Variants in FSTL5 observed in about 807,000 individuals in gnomAD.
FSTL5 encodes follistatin like 5.
A neutral mutation model predicts 89.1 loss-of-function variants in FSTL5; 62 were observed. The observed-to-expected ratio is 0.70, with a 90% CI of 0.57 to 0.86. The LOEUF (loss-of-function observed/expected upper bound fraction) is 0.86, where lower values mean the gene tolerates loss of function less well. Among genes scored for constraint, FSTL5 ranks in the 40% least tolerant of loss-of-function variants. The pLI, the probability that FSTL5 is intolerant of heterozygous loss-of-function variation, is 0.00. For missense variants in FSTL5, 1,057 were observed against 1,001.6 expected (o/e 1.06, Z -0.75); for synonymous variants, 383 against 346.2 (o/e 1.11, Z -1.18).
chr4:161,780,105 T>A (rs896116730), intron 4 of FSTL5, among the ~76,000 whole-genome samples: 1 of 149,238 alleles, frequency 6.7e-6, no homozygotes, highest in African/African-American at 2.4e-5. Context: ...AAAATGCTAG[T>A]GACTAAATGG....
chr4:161,408,153 A>G (rs2110927013), intron 15 of FSTL5, among the ~76,000 whole-genome samples: 1 of 152,276 alleles, frequency 6.6e-6, no homozygotes, highest in Middle Eastern at 3.4e-3. Context: ...GCCCATGAAC[A>G]GACCTGGTGA....
rs1171950770 is a variant in FSTL5 at position 161,872,141 on chromosome 4, G to GTTT, written c.409+48260_409+48262dup. Among the ~76,000 whole-genome samples the GTTT allele has an allele frequency of 4.0e-4, 32 of 79,550 alleles. 1 individual carries two copies. The highest frequency in any genetic ancestry group is 5.1e-4 in the Non-Finnish European group (21 of 41,034). 52.2% of individuals were successfully genotyped at this position (79,550 alleles called of 152,430 possible). A position where few individuals can be genotyped will look rare whatever the true frequency, so the allele number is the denominator to read the frequency against. On this transcript the variant is annotated intron_variant, in intron 4 of 15. Transcript: ENST00000306100. ...GCTTTGTAGTTTGTTTTTTTTTTTG[G>GTTT]TTTTTTTTTTTTTTTTTGTAGAGAC...
chr4:161,763,187 C>A (rs1326870733), intron 5 of FSTL5, among the ~76,000 whole-genome samples: 13 of 152,028 alleles, frequency 8.6e-5, no homozygotes, highest in Admixed American at 6.6e-4. Context: ...AGGCATTGTC[C>A]AAAACTCTGA....
intron 6 of FSTL5, among the ~76,000 whole-genome samples, chr4:161,751,966 C>T (rs1740407752): frequency 6.6e-6 from 1 of 152,032 alleles, no homozygotes; most frequent in South Asian, 2.1e-4. Context: ...TTATATAACA[C>T]AATGATTCCC....
intron 3 of FSTL5, among the ~76,000 whole-genome samples, chr4:161,928,363 C>T (rs1268486663): frequency 6.6e-6 from 1 of 151,764 alleles, no homozygotes; most frequent in Non-Finnish European, 1.5e-5. Context: ...AAGTGAGTTG[C>T]TATAAATATT....
chr4:161,649,939 T>A (rs1261402983), intron 7 of FSTL5, among the ~76,000 whole-genome samples: 1 of 152,140 alleles, frequency 6.6e-6, no homozygotes, highest in East Asian at 1.9e-4. Flanking sequence ...AACCCTGAGA[T>A]TACCTTGTGG....
In FSTL5 at chr4:161,645,771, G is replaced by A. The variant is rs558456389; in HGVS notation, c.894+10557C>T. Among the ~76,000 whole-genome samples, 181 of 152,110 alleles carry A rather than the reference G, an allele frequency of 1.2e-3. 2 individuals carry two copies. Among genetic ancestry groups the A allele is most frequent in the Non-Finnish European group, 3.4e-4 (23 of 67,956 alleles). ...GCTCCCTGCTTTATTTGGCTTAGAA[G>A]CTTTTGGATCATAAATATTCTCTGA... On this transcript the variant is annotated intron_variant, in intron 7 of 15. Coordinates refer to ENST00000306100, the MANE Select transcript of FSTL5 (RefSeq NM_020116.5).
At chr4:161,415,266 CT>C (rs1560883677) in intron 15 of FSTL5, among the ~76,000 whole-genome samples, 1 of 151,894 alleles carries the variant, frequency 6.6e-6, no homozygotes, top group African/African-American at 2.4e-5. Context: ...TTTTGGTTTT[CT>C]TTTTTTGAGC....
intron 2 of FSTL5, among the ~76,000 whole-genome samples, chr4:162,068,873 A>G (rs189033231): frequency 6.6e-6 from 1 of 152,124 alleles, no homozygotes; most frequent in African/African-American, 2.4e-5. Context: ...CCCATTAAAC[A>G]GTGGGCAAAA....
chr4:161,497,617 T>A (rs1252065411), intron 12 of FSTL5, among the ~76,000 whole-genome samples: 2 of 145,372 alleles, frequency 1.4e-5, no homozygotes, highest in Non-Finnish European at 3.0e-5. Context: ...TATAAACTTT[T>A]TAATATAGTA....
At chr4:161,420,658 G>T (rs868636058) in intron 15 of FSTL5, among the ~76,000 whole-genome samples, 20 of 151,282 alleles carry the variant, frequency 1.3e-4, no homozygotes, top group Admixed American at 2.0e-4. Context: ...TGCTGTATAT[G>T]CAATATTATT....
chr4:162,104,428 C>T (rs1387453178), intron 2 of FSTL5, among the ~76,000 whole-genome samples: 1 of 152,200 alleles, frequency 6.6e-6, no homozygotes, highest in Non-Finnish European at 1.5e-5. Flanking sequence ...TTGGAAGCGG[C>T]CCGCCACCAT....
Position 161,960,981 on chromosome 4 carries a change from T to C in FSTL5, c.161-40329A>G, listed in dbSNP as rs184288591. On this transcript the variant is annotated intron_variant, in intron 3 of 15. Coordinates refer to ENST00000306100, the MANE Select transcript of FSTL5 (RefSeq NM_020116.5). ...AATTTAAATTCTCATCCTAAATATA[T>C]ATCTCATTAAATATAACCATTTAAG... Among the ~76,000 whole-genome samples the C allele has an allele frequency of 1.1e-3, 165 of 152,220 alleles. 2 individuals carry two copies. The highest frequency in any genetic ancestry group is 3.5e-3 in the African/African-American group (144 of 41,568).
intron 10 of FSTL5, among the ~76,000 whole-genome samples, chr4:161,524,687 C>T (rs1028009282): frequency 3.9e-5 from 6 of 152,106 alleles, no homozygotes; most frequent in Non-Finnish European, 7.3e-5. Flanking sequence ...GGCCTGGGAA[C>T]GGTGGCTCAC....
chr4:161,887,967 T>C (rs572794055), intron 4 of FSTL5, among the ~76,000 whole-genome samples: 2 of 152,302 alleles, frequency 1.3e-5, no homozygotes, highest in East Asian at 3.9e-4. Flanking sequence ...CTCCCATTAA[T>C]GCATTGATTT....
intron 4 of FSTL5, among the ~76,000 whole-genome samples, chr4:161,901,874 G>C (rs531376909): frequency 1.3e-5 from 2 of 152,256 alleles, no homozygotes; most frequent in African/African-American, 2.4e-5. Context: ...GGCAGAGGTT[G>C]CAGTGAGCCA....
chr4:161,386,081 A>T lies in FSTL5; in HGVS notation c.2210T>A (p.Leu737Gln). 2 of 1,614,074 alleles carry T rather than the reference A, an allele frequency of 1.2e-6. No individual in the cohort carries two copies. The highest frequency in any genetic ancestry group is 4.5e-5 in the East Asian group (2 of 44,852). The change falls in exon 16 of 16, where the codon CTG becomes CAG. Residue 737 changes from leucine (L) to glutamine (Q), a missense_variant. Around this residue, in one of 3 missense-constraint regions of FSTL5, gnomAD observed 980 missense variants for 903.2 expected, o/e 1.08. Coordinates refer to ENST00000306100, the MANE Select transcript of FSTL5 (RefSeq NM_020116.5). Reference sequence around the variant, plus strand: ...TTGAAATGCCAGATCAGATATGTGCAGATTTGTGTAAATATCAAAAGCCTC... The same window carrying T: ...TTGAAATGCCAGATCAGATATGTGCTGATTTGTGTAAATATCAAAAGCCTC... The part of the protein sequence containing the change: ...IQEAFDIYTN[L>Q]HISDLAFQPS...
At chr4:161,517,878 T>A (rs185897756) in intron 10 of FSTL5, among the ~76,000 whole-genome samples, 29 of 152,282 alleles carry the variant, frequency 1.9e-4, no homozygotes, top group Admixed American at 5.2e-4. Context: ...AGAAACTGAC[T>A]TAACTTCAGC....
At chr4:161,700,820 T>C (rs1424122675) in intron 6 of FSTL5, among the ~76,000 whole-genome samples, 1 of 152,240 alleles carries the variant, frequency 6.6e-6, no homozygotes, top group Non-Finnish European at 1.5e-5. Flanking sequence ...TCTGTATTTT[T>C]ATAATGCATA....
Sources: allele counts gnomAD v4.1 joint callset (sites outside exome capture counted in the v4.1 genomes callset), GRCh38; gene constraint gnomAD v4.1.1; regional missense constraint gnomAD v4.1.1; transcripts MANE v1.5; gene names NCBI Gene and HGNC (gene_info 2026-07-23, HGNC 2026-07-21).